The following ADAMTS19 variants were observed in gnomAD, a reference collection of about 807,000 sequenced individuals.
ADAMTS19 encodes the protein ADAM metallopeptidase with thrombospondin type 1 motif 19, also known as A disintegrin and metalloproteinase with thrombospondin motifs 19.
In ADAMTS19, 93 loss-of-function variants were observed where a neutral mutation model predicts 153.3. The observed-to-expected ratio is 0.61, with a 90% CI of 0.51 to 0.72. The LOEUF (loss-of-function observed/expected upper bound fraction) is 0.72, where lower values mean the gene tolerates loss of function less well. Among genes scored for constraint, ADAMTS19 ranks in the 30% least tolerant of loss-of-function variants. ADAMTS19 has a pLI of 0.00. For missense variants in ADAMTS19, 1,482 were observed against 1,552.1 expected, an observed-to-expected ratio of 0.95 and a Z score of 0.76; for synonymous variants, 600 against 556.6, an observed-to-expected ratio of 1.08 and a Z score of -1.10.
intron 21 of ADAMTS19, among the ~76,000 whole-genome samples, chr5:129,708,328 G>A (rs1339225680): frequency 2.6e-5 from 4 of 152,142 alleles, no homozygotes; most frequent in Non-Finnish European, 5.9e-5. Context: ...TATATGCCAC[G>A]TTCTGACTAT....
intron 21 of ADAMTS19, among the ~76,000 whole-genome samples, chr5:129,710,626 C>T (rs556927773): frequency 6.6e-6 from 1 of 152,278 alleles, no homozygotes; most frequent in Non-Finnish European, 1.5e-5. Flanking sequence ...GAAATAGGAA[C>T]ACCTTTACAC....
intron 3 of ADAMTS19, among the ~76,000 whole-genome samples, chr5:129,515,460 T>A (rs1581026989): frequency 6.6e-6 from 1 of 152,166 alleles, no homozygotes; most frequent in African/African-American, 2.4e-5. Context: ...GGTATCTTCT[T>A]CAATTTCCCT....
chr5:129,644,503 GA>G (rs1261839187), intron 11 of ADAMTS19, among the ~76,000 whole-genome samples: 5 of 152,174 alleles, frequency 3.3e-5, no homozygotes, highest in Admixed American at 3.3e-4. Context: ...TTACATCTGA[GA>G]AGGTGCTTAC....
chr5:129,684,089 C>T, intron 17 of ADAMTS19, 31 bp from the exon 18 acceptor site: 1 of 1,595,984 alleles, frequency 6.3e-7, no homozygotes. Flanking sequence ...TAGTTTGACC[C>T]ATCTGCCTTG....
chr5:129,721,870 G>A (rs547869781), intron 21 of ADAMTS19, among the ~76,000 whole-genome samples: 1 of 152,164 alleles, frequency 6.6e-6, no homozygotes, highest in East Asian at 1.9e-4. Flanking sequence ...TTCTTTCCCT[G>A]CGTTAGTTTG....
chr5:129,633,115 T>C (rs1752376715), intron 10 of ADAMTS19, among the ~76,000 whole-genome samples: 1 of 152,128 alleles, frequency 6.6e-6, no homozygotes, highest in Admixed American at 6.6e-5. Flanking sequence ...CCCTTTAAAC[T>C]ATTTTCAAGC....
chr5:129,479,935 C>T (rs1750354343), intron 2 of ADAMTS19, among the ~76,000 whole-genome samples: 1 of 151,962 alleles, frequency 6.6e-6, no homozygotes, highest in Non-Finnish European at 1.5e-5. Flanking sequence ...AAAAAACAAG[C>T]TTTTTGGGTA....
intron 13 of ADAMTS19, 122 bp downstream of exon 13, chr5:129,649,092 C>A (rs544609241): frequency 2.0e-6 from 2 of 984,490 alleles, no homozygotes; most frequent in Non-Finnish European, 3.0e-6. Flanking sequence ...TTAATTTTTT[C>A]TACCTGTATG....
intron 2 of ADAMTS19, among the ~76,000 whole-genome samples, chr5:129,504,232 A>G (rs888464763): frequency 6.6e-6 from 1 of 152,080 alleles, no homozygotes; most frequent in East Asian, 1.9e-4. Flanking sequence ...GCATCCTTGC[A>G]CTTGTCTTAT....
intron 2 of ADAMTS19, 36 bp from the exon 3 acceptor site, chr5:129,509,041 T>C: frequency 1.4e-6 from 2 of 1,478,308 alleles, no homozygotes; most frequent in Non-Finnish European, 1.8e-6. Context: ...TTTCAAATGA[T>C]ATTTCTTACA....
chr5:129,676,293 A>G lies in ADAMTS19; in HGVS notation c.2507-3471A>G, dbSNP rs147951960. On this transcript the variant is annotated intron_variant, in intron 16 of 22. Coordinates refer to ENST00000274487, the MANE Select transcript of ADAMTS19 (RefSeq NM_133638.6). ...AGTTAACTTACTTGCAGATCAGCTT[A>G]ACTTCTTGAGGCTTTTTAAAAGCTT... Among the ~76,000 whole-genome samples, 562 of 152,250 alleles carry G rather than the reference A, an allele frequency of 3.7e-3. 4 individuals are homozygous for G. Among genetic ancestry groups the G allele is most frequent in the Non-Finnish European group, 6.6e-3 (446 of 68,006 alleles).
At chr5:129,585,859 T>C (rs943134758) in intron 7 of ADAMTS19, among the ~76,000 whole-genome samples, 20 of 152,236 alleles carry the variant, frequency 1.3e-4, no homozygotes, top group Admixed American at 7.2e-4. Flanking sequence ...TCAGCTTTAT[T>C]GTTGTTACTT....
At chr5:129,594,983 T>C (rs1750305922) in intron 7 of ADAMTS19, among the ~76,000 whole-genome samples, 1 of 152,172 alleles carries the variant, frequency 6.6e-6, no homozygotes, top group Non-Finnish European at 1.5e-5. Context: ...CATCTGTTTG[T>C]AGATGATAAA....
At chr5:129,516,684 T>G (rs1751623046) in intron 3 of ADAMTS19, among the ~76,000 whole-genome samples, 1 of 151,876 alleles carries the variant, frequency 6.6e-6, no homozygotes, top group Non-Finnish European at 1.5e-5. Context: ...GGACCTTCTC[T>G]CTTTTACTCT....
chr5:129,509,033 T>A (rs781356860), intron 2 of ADAMTS19, 44 bp from the exon 3 acceptor site: 2 of 1,450,010 alleles, frequency 1.4e-6, no homozygotes, highest in East Asian at 4.9e-5. Context: ...AAGTATTTTT[T>A]CAAATGATAT....
intron 21 of ADAMTS19, among the ~76,000 whole-genome samples, chr5:129,716,681 G>T (rs1189234549): frequency 6.6e-6 from 1 of 150,482 alleles, no homozygotes; most frequent in Non-Finnish European, 1.5e-5. Context: ...TTTTGCCTCA[G>T]TTGCTCTTAA....
Position 129,704,505 on chromosome 5 carries a change from T to C in ADAMTS19, c.3312+114T>C, listed in dbSNP as rs1409737769. On this transcript the variant is annotated intron_variant, in intron 21 of 22. Coordinates refer to ENST00000274487, the MANE Select transcript of ADAMTS19 (RefSeq NM_133638.6). ...GAGGGAAGGAGAGTAGAATTAAACA[T>C]CATGGGATATGGGGCAGATTCTGGC... 4 of 1,217,272 alleles carry C rather than the reference T, an allele frequency of 3.3e-6. No individual in the cohort carries two copies. In the East Asian group the frequency reaches 1.0e-4, roughly 30 times the overall value. 75.4% of individuals were successfully genotyped at this position (1,217,272 alleles called of 1,614,324 possible).
At chr5:129,634,321 A>C (rs1022081253) in intron 10 of ADAMTS19, among the ~76,000 whole-genome samples, 6 of 152,206 alleles carry the variant, frequency 3.9e-5, no homozygotes, top group African/African-American at 1.2e-4. Context: ...ATGCTTATGT[A>C]TAGGAAGAAT....
intron 2 of ADAMTS19, among the ~76,000 whole-genome samples, chr5:129,503,251 C>T (rs369736435): frequency 1.3e-5 from 2 of 152,166 alleles, no homozygotes. Context: ...ACTGTGGAAA[C>T]ATTGAAAGGA....
Sources: gnomAD v4.1 joint callset for allele counts (sites outside exome capture counted in the v4.1 genomes callset) on GRCh38, gnomAD v4.1.1 for gene constraint, MANE v1.5 for transcripts, NCBI Gene and HGNC (gene_info 2026-07-23, HGNC 2026-07-21) for gene names.